SPECC1: variants seen among roughly 807,000 people sequenced by gnomAD.
The protein encoded by SPECC1 is sperm antigen with calponin homology and coiled-coil domains 1.
SPECC1 carries 62 observed loss-of-function variants against 104.1 expected under a neutral mutation model. The observed-to-expected ratio is 0.60, with a 90% CI of 0.49 to 0.74. The LOEUF (loss-of-function observed/expected upper bound fraction) is 0.74. SPECC1 is among the 30% of genes least tolerant of loss of function. SPECC1 has a pLI of 0.00. For synonymous variants in SPECC1, 513 were observed against 501.6 expected (o/e 1.02, Z -0.30); for missense variants, 1,306 against 1,310.5 (o/e 1.00, Z 0.05).
intron 1 of SPECC1, among the ~76,000 whole-genome samples, chr17:20,024,989 G>A (rs1397248698): frequency 2.0e-5 from 3 of 152,130 alleles, no homozygotes; most frequent in African/African-American, 7.2e-5. Context: ...CCCTACTTCT[G>A]TGTGTTCACA....
At chr17:20,180,204 C>T (rs1442161051) in intron 3 of SPECC1, among the ~76,000 whole-genome samples, 1 of 151,982 alleles carries the variant, frequency 6.6e-6, no homozygotes, top group Non-Finnish European at 1.5e-5. Flanking sequence ...ATCAAATTAG[C>T]AAAAGCGAGG....
chr17:20,239,136 C>A (rs1018747502), intron 7 of SPECC1: 17 of 921,730 alleles, frequency 1.8e-5, no homozygotes, highest in Admixed American at 8.4e-5. Flanking sequence ...TTTTAAAACT[C>A]TAGGGTCTCA....
chr17:20,299,913 A>G (rs2142070154), intron 13 of SPECC1, among the ~76,000 whole-genome samples: 1 of 152,350 alleles, frequency 6.6e-6, no homozygotes, highest in South Asian at 2.1e-4. Flanking sequence ...GAAGAGATCC[A>G]TGCTGTCTAA....
At chr17:20,162,674 GGTTA>G (rs1373044075) in intron 3 of SPECC1, among the ~76,000 whole-genome samples, 7 of 152,102 alleles carry the variant, frequency 4.6e-5, no homozygotes, top group Admixed American at 6.5e-5. Context: ...CTCATTCTCA[GGTTA>G]GTTCATTATT....
chr17:20,192,240 G>T (rs2035721690), intron 3 of SPECC1, among the ~76,000 whole-genome samples: 1 of 152,046 alleles, frequency 6.6e-6, no homozygotes, highest in African/African-American at 2.4e-5. Context: ...AGTGTGCTGT[G>T]CTGGGATTAC....
At chr17:20,252,579 A>G (rs185700621) in intron 9 of SPECC1, among the ~76,000 whole-genome samples, 303 of 152,146 alleles carry the variant, frequency 2.0e-3, no homozygotes, top group African/African-American at 7.1e-3. Context: ...TGTGATTTTG[A>G]CTACTTTAGA....
chr17:20,161,206 C>G (rs1462361920), intron 3 of SPECC1, among the ~76,000 whole-genome samples: 4 of 152,072 alleles, frequency 2.6e-5, no homozygotes, highest in Non-Finnish European at 5.9e-5. Flanking sequence ...GTAAGAGTGT[C>G]TCAAAAAAGA....
At chr17:20,264,927 T>A (rs1348780831) in intron 12 of SPECC1, among the ~76,000 whole-genome samples, 1 of 152,244 alleles carries the variant, frequency 6.6e-6, no homozygotes, top group Non-Finnish European at 1.5e-5. Context: ...TCCAGCTGCA[T>A]CCATGTTTTT....
chr17:20,269,910 G>A (rs146378190), intron 12 of SPECC1, among the ~76,000 whole-genome samples: 47 of 152,082 alleles, frequency 3.1e-4, no homozygotes, highest in Admixed American at 1.2e-3. Flanking sequence ...CATTGAACAC[G>A]GGCTTTTTAT....
At chr17:20,081,694 G>A (rs754543914) in intron 1 of SPECC1, among the ~76,000 whole-genome samples, 2 of 152,092 alleles carry the variant, frequency 1.3e-5, no homozygotes, top group Non-Finnish European at 2.9e-5. Context: ...GGATCTGTCC[G>A]GAATGTAGAG....
At position 20,260,357 on chromosome 17, in the gene SPECC1, A is replaced by G. The variant is rs1029126001; in HGVS notation, c.2940+63A>G. The G allele has an allele frequency of 4.9e-6, 7 of 1,420,000 alleles. No individual in the cohort carries two copies. The African/African-American group carries it at 5.7e-5, about 12-fold the overall frequency. The allele number at this position is 1,420,000 out of a possible 1,614,324, so 88.0% of individuals were successfully genotyped here. A position where few individuals can be genotyped will look rare whatever the true frequency, so the allele number is the denominator to read the frequency against. On this transcript the variant is annotated intron_variant, in intron 12 of 14. Transcript: ENST00000395527. ...GGCAGTAGTAGTCCTGTGCCAATAC[A>G]TGTTCCTTGTGTGCCTGTGCTTGAT...
intron 13 of SPECC1, among the ~76,000 whole-genome samples, chr17:20,297,626 C>G (rs1186122922): frequency 6.6e-6 from 1 of 152,246 alleles, no homozygotes; most frequent in Non-Finnish European, 1.5e-5. Flanking sequence ...CTGTTCAACT[C>G]TACCATCGGG....
At chr17:20,023,859 T>C (rs916458812) in intron 1 of SPECC1, among the ~76,000 whole-genome samples, 3 of 149,556 alleles carry the variant, frequency 2.0e-5, no homozygotes, top group Non-Finnish European at 3.0e-5. Flanking sequence ...AAAGTTAAAA[T>C]AACCCTGATA....
In SPECC1 at chr17:20,264,234, A is replaced by T. The variant is rs562161470; in HGVS notation, c.2940+3940A>T. Among the ~76,000 whole-genome samples, 29 of 152,074 alleles carry T rather than the reference A, an allele frequency of 1.9e-4. 1 individual carries two copies. The highest frequency in any genetic ancestry group is 1.2e-3 in the South Asian group (6 of 4,820). On this transcript the variant is annotated intron_variant, in intron 12 of 14. Transcript: ENST00000395527. ...ATGTTACATCCCTCCATATATATAT[A>T]TTTTTATTTCAGCTTTAGTTATAGA...
intron 2 of SPECC1, among the ~76,000 whole-genome samples, chr17:20,103,805 C>T (rs1014372864): frequency 6.6e-6 from 1 of 152,184 alleles, no homozygotes; most frequent in Non-Finnish European, 1.5e-5. Flanking sequence ...GCAGGATTCA[C>T]TGAAAGGCTG....
intron 3 of SPECC1, among the ~76,000 whole-genome samples, chr17:20,121,169 T>C (rs1379183819): frequency 6.6e-6 from 1 of 152,160 alleles, no homozygotes; most frequent in African/African-American, 2.4e-5. Flanking sequence ...CTATTCATGC[T>C]CACAATAGCC....
chr17:20,125,484 A>G (rs1294939498), intron 3 of SPECC1, among the ~76,000 whole-genome samples: 1 of 152,240 alleles, frequency 6.6e-6, no homozygotes, highest in East Asian at 1.9e-4. Context: ...AATGCTGCAT[A>G]GCAGGTCCCT....
intron 3 of SPECC1, among the ~76,000 whole-genome samples, chr17:20,182,634 A>C (rs1181147825): frequency 6.6e-6 from 1 of 152,228 alleles, no homozygotes; most frequent in Non-Finnish European, 1.5e-5. Flanking sequence ...AATGTTTTTA[A>C]AAAAACTGAC....
At chr17:20,029,390 T>C (rs1199333014) in intron 1 of SPECC1, among the ~76,000 whole-genome samples, 1 of 152,230 alleles carries the variant, frequency 6.6e-6, no homozygotes, top group East Asian at 1.9e-4. Context: ...TGAACTTGTT[T>C]ATCAGTTATC....
Sources: allele counts gnomAD v4.1 joint callset (sites outside exome capture counted in the v4.1 genomes callset), GRCh38; gene constraint gnomAD v4.1.1; transcripts MANE v1.5; gene names NCBI Gene and HGNC (gene_info 2026-07-23, HGNC 2026-07-21).